Variants in CNTNAP4 observed in about 807,000 individuals in gnomAD.
CNTNAP4 encodes contactin associated protein family member 4.
A neutral mutation model predicts 148.4 loss-of-function variants in CNTNAP4; 98 were observed. The ratio of observed to expected loss-of-function variants is 0.66; its 90% CI spans 0.56 to 0.78. The LOEUF (loss-of-function observed/expected upper bound fraction) is 0.78, where lower values mean the gene tolerates loss of function less well. Among genes scored for constraint, CNTNAP4 ranks in the 30% least tolerant of loss-of-function variants. CNTNAP4 has a pLI of 0.00. For synonymous variants in CNTNAP4, 730 were observed against 565.1 expected, an observed-to-expected ratio of 1.29 and a Z score of -4.14; for missense variants, 1,935 against 1,565.6, an observed-to-expected ratio of 1.24 and a Z score of -3.98.
At chr16:76,320,191 G>T (rs1962257028) in intron 2 of CNTNAP4, among the ~76,000 whole-genome samples, 1 of 152,150 alleles carries the variant, frequency 6.6e-6, no homozygotes, top group Admixed American at 6.6e-5. Context: ...TTGTTAAAAA[G>T]TGGTAGAAAA....
At chr16:76,411,341 ATATAT>A (rs1217733068) in intron 3 of CNTNAP4, among the ~76,000 whole-genome samples, 2 of 151,500 alleles carry the variant, frequency 1.3e-5, no homozygotes, top group African/African-American at 4.8e-5. Context: ...AGGCTAATCA[ATATAT>A]TAGAATGACT....
chr16:76,380,856 A>G (rs1286011961), intron 3 of CNTNAP4, among the ~76,000 whole-genome samples: 2 of 152,168 alleles, frequency 1.3e-5, no homozygotes, highest in Non-Finnish European at 2.9e-5. Flanking sequence ...CCACACCACA[A>G]GCATCAATAT....
In CNTNAP4 at chr16:76,496,713, A is replaced by C. The variant is rs1189592863; in HGVS notation, c.2237+1647A>C. ...CTATGAAAACAAAAATGAAATCTTT[A>C]AAGAATAACAAAAGATTCTGGAATC... is the stretch of plus-strand genomic sequence containing the variant. On this transcript the variant is annotated intron_variant, in intron 14 of 23. Transcript: ENST00000611870. Among the ~76,000 whole-genome samples, 6 of 152,328 alleles carry C rather than the reference A, an allele frequency of 3.9e-5. No homozygotes were observed. The South Asian group carries it at 6.2e-4, about 16-fold the overall frequency.
chr16:76,399,253 A>G (rs776041023), intron 3 of CNTNAP4, among the ~76,000 whole-genome samples: 3 of 152,060 alleles, frequency 2.0e-5, no homozygotes, highest in African/African-American at 2.4e-5. Context: ...GTCTTGGATA[A>G]TTCACTTCTT....
intron 3 of CNTNAP4, among the ~76,000 whole-genome samples, chr16:76,403,491 A>G (rs1418402355): frequency 6.6e-6 from 1 of 152,220 alleles, no homozygotes; most frequent in Non-Finnish European, 1.5e-5. Context: ...CAAAGCCACA[A>G]TGAGATATCA....
rs1597444945 is a variant in CNTNAP4 at position 76,407,381 on chromosome 16, T to C, written c.391-20071T>C. ...CTCTTATTGATACTGATTCCTCCAA[T>C]TAATCTGGGCAAAGTAAATTTAAAA... On this transcript the variant is annotated intron_variant, in intron 3 of 23. Coordinates refer to ENST00000611870, the MANE Select transcript of CNTNAP4 (RefSeq NM_033401.5). 3.3e-5 allele frequency among the ~76,000 whole-genome samples: 5 copies of C among 152,002 alleles called. No individual in the cohort carries two copies. In the South Asian group the frequency reaches 1.0e-3, roughly 32 times the overall value.
chr16:76,522,862 T>C (rs2083548516), intron 17 of CNTNAP4, among the ~76,000 whole-genome samples: 1 of 151,162 alleles, frequency 6.6e-6, no homozygotes, highest in South Asian at 2.1e-4. Context: ...CCCAGGGTTC[T>C]AGCAATTCTC....
chr16:76,337,474 G>T (rs1161597332), intron 2 of CNTNAP4, among the ~76,000 whole-genome samples: 2 of 152,100 alleles, frequency 1.3e-5, no homozygotes, highest in Non-Finnish European at 2.9e-5. Context: ...AAAGGGGAGG[G>T]GTGTACGAAT....
At chr16:76,393,589 GCACAGAGA>G (rs1387042825) in intron 3 of CNTNAP4, among the ~76,000 whole-genome samples, 17 of 152,208 alleles carry the variant, frequency 1.1e-4, no homozygotes, top group Admixed American at 5.9e-4. Flanking sequence ...TTGTGACCCA[GCACAGAGA>G]GTGCCCTAAC....
At chr16:76,401,177 A>G (rs1429513078) in intron 3 of CNTNAP4, among the ~76,000 whole-genome samples, 1 of 152,096 alleles carries the variant, frequency 6.6e-6, no homozygotes, top group African/African-American at 2.4e-5. Flanking sequence ...TGAGCATGGA[A>G]TGTTTTTCCA....
chr16:76,406,909 T>C (rs1307878302), intron 3 of CNTNAP4, among the ~76,000 whole-genome samples: 1 of 152,134 alleles, frequency 6.6e-6, no homozygotes, highest in Non-Finnish European at 1.5e-5. Flanking sequence ...CAGTAAGTTA[T>C]CCAGAAGATG....
chr16:76,470,482 A>AATATATATATATATATATATAT lies in CNTNAP4; in HGVS notation c.1655+2974_1655+2975insTATATATATATATATATATATA, dbSNP rs67354977. On this transcript the variant is annotated intron_variant, in intron 10 of 23. Coordinates refer to ENST00000611870, the MANE Select transcript of CNTNAP4 (RefSeq NM_033401.5). ...ATAGCAAAACCACGTCTCTACTAAT[A>AATATATATATATATATATATAT]ATATATATATATATAAAATTAGTCG... Among the ~76,000 whole-genome samples, 637 of 96,904 alleles carry AATATATATATATATATATATAT rather than the reference A, an allele frequency of 6.6e-3. 38 individuals are homozygous for AATATATATATATATATATATAT. The highest frequency in any genetic ancestry group is 0.041 in the South Asian group (95 of 2,332). 63.6% of individuals were successfully genotyped at this position (96,904 alleles called of 152,430 possible).
chr16:76,460,867 G>C (rs1017185595), intron 8 of CNTNAP4, among the ~76,000 whole-genome samples: 2 of 146,846 alleles, frequency 1.4e-5, no homozygotes, highest in Admixed American at 1.4e-4. Context: ...AAAAGTCTGT[G>C]AACACTGAAT....
Position 76,498,709 on chromosome 16 carries a change from T to A in CNTNAP4, c.2365+15T>A, listed in dbSNP as rs1401262906. ...CCAGGGAGACAGTAAGTGGTTACAA[T>A]GTGTTGAAACCGTATTTGAGAAAAG... is the stretch of plus-strand genomic sequence containing the variant. On this transcript the variant is annotated intron_variant, in intron 15 of 23. Coordinates refer to ENST00000611870, the MANE Select transcript of CNTNAP4 (RefSeq NM_033401.5). 6.3e-7 allele frequency: 1 copy of A among 1,594,234 alleles called. No homozygotes were observed. Among genetic ancestry groups the A allele is most frequent in the Non-Finnish European group, 8.5e-7 (1 of 1,172,528 alleles).
intron 23 of CNTNAP4, chr16:76,558,211 A>T: frequency 3.4e-6 from 1 of 295,914 alleles, no homozygotes. Flanking sequence ...ACATATAGTT[A>T]ATACCTTGTG....
chr16:76,462,207 G>T, intron 9 of CNTNAP4, 102 bp downstream of exon 9: 4 of 1,026,168 alleles, frequency 3.9e-6, no homozygotes, highest in East Asian at 2.7e-5. Flanking sequence ...TGAATACTAA[G>T]GAATAATTTT....
chr16:76,479,296 G>T, intron 11 of CNTNAP4, 123 bp from the exon 12 acceptor site: 1 of 687,166 alleles, frequency 1.5e-6, no homozygotes, highest in Non-Finnish European at 2.2e-6. Flanking sequence ...AGTAAGTTTT[G>T]CCTTTTCTCC....
rs140835708 is a variant in CNTNAP4 at position 76,448,809 on chromosome 16, C to G, written c.785C>G (p.Thr262Ser). The change falls in exon 6 of 24, where the codon ACC (threonine) becomes AGC (serine). Residue 262 changes from threonine to serine, a missense_variant. Transcript: ENST00000611870. The stretch of plus-strand genomic sequence containing the variant: ...TCCACTTCCACCCTGGTCAATCTCA[C>G]CCTGGGCAGCCTGCTAGATGATCAG... ...LPSTSTLVNLTLGSLLDDQHW... is the reference protein window; with the variant it reads ...LPSTSTLVNLSLGSLLDDQHW... 3 of 1,611,452 alleles carry G rather than the reference C, an allele frequency of 1.9e-6. No individual in the cohort carries two copies. The highest frequency in any genetic ancestry group is 2.5e-6 in the Non-Finnish European group (3 of 1,179,030).
chr16:76,336,040 G>C (rs1355233540), intron 2 of CNTNAP4, among the ~76,000 whole-genome samples: 1 of 152,138 alleles, frequency 6.6e-6, no homozygotes, highest in Non-Finnish European at 1.5e-5. Flanking sequence ...TGGAAAGGTA[G>C]ACAAATCCCT....
Sources: allele counts gnomAD v4.1 joint callset (sites outside exome capture counted in the v4.1 genomes callset), GRCh38; gene constraint gnomAD v4.1.1; transcripts MANE v1.5; gene names NCBI Gene and HGNC (gene_info 2026-07-23, HGNC 2026-07-21).